The following AGMO variants were observed in gnomAD, a reference collection of about 807,000 sequenced individuals.
AGMO encodes glyceryl-ether monooxygenase.
In AGMO, 75 loss-of-function variants were observed where a neutral mutation model predicts 60.2. The observed-to-expected ratio is 1.25, with a 90% CI of 1.03 to 1.51. AGMO has a LOEUF of 1.51. Among genes scored for constraint, AGMO ranks in the 40% most tolerant of loss-of-function variants. AGMO has a pLI of 0.00. For synonymous variants in AGMO, 261 were observed against 177.1 expected, an observed-to-expected ratio of 1.47 and a Z score of -3.76; for missense variants, 763 against 525.5, an observed-to-expected ratio of 1.45 and a Z score of -4.42.
the AGMO span, among the ~76,000 whole-genome samples, chr7:15,152,238 T>C: frequency 6.6e-6 from 1 of 152,188 alleles, no homozygotes; most frequent in Non-Finnish European, 1.5e-5. Flanking sequence ...TTTTGTTTTC[T>C]TTTAAAATTT....
intron 3 of AGMO, among the ~76,000 whole-genome samples, chr7:15,484,705 G>T (rs1782866371): frequency 1.3e-5 from 2 of 152,136 alleles, no homozygotes; most frequent in Non-Finnish European, 2.9e-5. Context: ...AAAAGTACTA[G>T]AAACTTAAGT....
In AGMO at chr7:15,441,516, T is replaced by A. The variant is rs1781553350; in HGVS notation, c.410-10408A>T. Among the ~76,000 whole-genome samples, 4 of 152,114 alleles carry A rather than the reference T, an allele frequency of 2.6e-5. No individual in the cohort carries two copies. The South Asian group carries it at 8.3e-4, about 32-fold the overall frequency. On this transcript the variant is annotated intron_variant, in intron 3 of 12. Transcript: ENST00000342526. ...CTTTACATAGATTGAAAGCAAGAAA[T>A]CTTCCAAAGTATTTAATGACATATA...
At chr7:15,354,863 C>A (rs1048787569) in intron 12 of AGMO, among the ~76,000 whole-genome samples, 64 of 150,888 alleles carry the variant, frequency 4.2e-4, no homozygotes, top group African/African-American at 1.5e-3. Flanking sequence ...ATATTATATC[C>A]TATAAAATAT....
chr7:15,412,839 C>G (rs1780654486), intron 5 of AGMO, among the ~76,000 whole-genome samples: 1 of 151,994 alleles, frequency 6.6e-6, no homozygotes, highest in Admixed American at 6.6e-5. Context: ...GGGTAGTTAG[C>G]CAATTATTTC....
At chr7:15,267,674 G>A (rs749759539) in intron 12 of AGMO, among the ~76,000 whole-genome samples, 6 of 151,860 alleles carry the variant, frequency 4.0e-5, no homozygotes, top group Admixed American at 6.6e-5. Context: ...ATTTTAATGA[G>A]TAAGAGAAGA....
At chr7:15,247,470 A>G (rs563122385) in intron 12 of AGMO, among the ~76,000 whole-genome samples, 34 of 150,032 alleles carry the variant, frequency 2.3e-4, no homozygotes, top group African/African-American at 8.2e-4. Flanking sequence ...AGAGAGAGAG[A>G]GAGAGAGAGG....
the AGMO span, among the ~76,000 whole-genome samples, chr7:15,163,972 G>A: frequency 6.6e-6 from 1 of 152,050 alleles, no homozygotes; most frequent in South Asian, 2.1e-4. Context: ...TTTTGTTATT[G>A]TTGTTGGGAG....
At chr7:15,512,375 T>C (rs1447481509) in intron 3 of AGMO, among the ~76,000 whole-genome samples, 1 of 152,092 alleles carries the variant, frequency 6.6e-6, no homozygotes, top group African/African-American at 2.4e-5. Context: ...GCCTCAGCTT[T>C]TCAAGTAGCT....
At chr7:15,393,693 T>C (rs1784245712) in intron 6 of AGMO, among the ~76,000 whole-genome samples, 1 of 152,168 alleles carries the variant, frequency 6.6e-6, no homozygotes, top group Non-Finnish European at 1.5e-5. Flanking sequence ...TGAAGTGTTG[T>C]TTATTGGGCT....
the AGMO span, among the ~76,000 whole-genome samples, chr7:15,133,060 A>C: frequency 1.1e-4 from 17 of 152,188 alleles, no homozygotes; most frequent in African/African-American, 4.1e-4. Context: ...AAGCAATTAC[A>C]TTTACTGGGA....
Position 15,272,286 on chromosome 7 carries a change from C to A in AGMO, c.1264-70927G>T, listed in dbSNP as rs565854098. On this transcript the variant is annotated intron_variant, in intron 12 of 12. Transcript: ENST00000342526. ...TAATGCTATCCCTCCCCCCTCCCCC[C>A]ACCCCACGACAGTCCCAGGTGTGTG... 4.1e-4 allele frequency among the ~76,000 whole-genome samples: 50 copies of A among 121,086 alleles called. No homozygotes were observed. In the South Asian group the frequency reaches 0.017, roughly 42 times the overall value. 79.4% of individuals were successfully genotyped at this position (121,086 alleles called of 152,430 possible). A position where few individuals can be genotyped will look rare whatever the true frequency, so the allele number is the denominator to read the frequency against.
chr7:15,161,693 A>G, the AGMO span, among the ~76,000 whole-genome samples: 4 of 151,070 alleles, frequency 2.6e-5, no homozygotes, highest in African/African-American at 9.8e-5. Flanking sequence ...ATATGTATAT[A>G]TGTGTGTGTG....
At chr7:15,255,954 G>A (rs73679458) in intron 12 of AGMO, among the ~76,000 whole-genome samples, 1 of 152,166 alleles carries the variant, frequency 6.6e-6, no homozygotes, top group Admixed American at 6.5e-5. Context: ...CTGAATAAGA[G>A]AGAAGAACAG....
At position 15,555,290 on chromosome 7, in the gene AGMO, TATACACACAC is replaced by T. The variant is rs763348602; in HGVS notation, c.257+4841_257+4850del. ...TGGATCATATATATATATATATATA[TATACACACAC>T]ACACACACACACACACACACACACA... On this transcript the variant is annotated intron_variant, in intron 2 of 12. Coordinates refer to ENST00000342526, the MANE Select transcript of AGMO (RefSeq NM_001004320.2). 3.0e-3 allele frequency among the ~76,000 whole-genome samples: 306 copies of T among 103,624 alleles called. 3 individuals are homozygous for T. Among genetic ancestry groups the T allele is most frequent in the East Asian group, 0.026 (100 of 3,906 alleles). The allele number at this position is 103,624 out of a possible 152,430, so 68.0% of individuals were successfully genotyped here.
At chr7:15,157,279 C>T in the AGMO span, among the ~76,000 whole-genome samples, 1 of 152,132 alleles carries the variant, frequency 6.6e-6, no homozygotes, top group Non-Finnish European at 1.5e-5. Context: ...GGTAAGATAC[C>T]TTCCCAGATC....
chr7:15,422,710 G>T (rs1221133478), intron 4 of AGMO, among the ~76,000 whole-genome samples: 1 of 152,130 alleles, frequency 6.6e-6, no homozygotes, highest in East Asian at 1.9e-4. Context: ...GGCTTGGTAC[G>T]CAGTATTTAG....
intron 12 of AGMO, among the ~76,000 whole-genome samples, chr7:15,333,914 T>C (rs938769152): frequency 6.6e-6 from 1 of 152,080 alleles, no homozygotes; most frequent in East Asian, 1.9e-4. Context: ...GTTCTCAATA[T>C]ATCAGCATTT....
chr7:15,163,067 T>G, the AGMO span, among the ~76,000 whole-genome samples: 1 of 152,160 alleles, frequency 6.6e-6, no homozygotes, highest in African/African-American at 2.4e-5. Context: ...TCTAGGTATT[T>G]GATTTTGCGG....
In AGMO at chr7:15,237,194, C is replaced by G. The variant is rs542138679; in HGVS notation, c.1264-35835G>C. 5.9e-5 allele frequency among the ~76,000 whole-genome samples: 9 copies of G among 152,184 alleles called. No individual in the cohort carries two copies. In the East Asian group the frequency reaches 1.5e-3, roughly 26 times the overall value. ...GACAGAGAACAAGAGGAAGCAGATT[C>G]CAGAAGCAGCAGCTGAGATCCAGTA... On this transcript the variant is annotated intron_variant, in intron 12 of 12. Coordinates refer to ENST00000342526, the MANE Select transcript of AGMO (RefSeq NM_001004320.2).
Sources: allele counts gnomAD v4.1 joint callset (sites outside exome capture counted in the v4.1 genomes callset), GRCh38; gene constraint gnomAD v4.1.1; transcripts MANE v1.5; gene names NCBI Gene and HGNC (gene_info 2026-07-23, HGNC 2026-07-21).